SMOC2: variants seen among roughly 807,000 people sequenced by gnomAD.
The protein encoded by SMOC2 is SPARC-related modular calcium-binding protein 2.
A neutral mutation model predicts 61.4 loss-of-function variants in SMOC2; 39 were observed. The observed-to-expected ratio is 0.64, with a 90% CI of 0.49 to 0.83. The LOEUF is 0.83. Ranked by LOEUF, SMOC2 falls within the 40% of genes least tolerant of loss-of-function variation. The pLI is 0.00. For synonymous variants in SMOC2, 247 were observed against 239.9 expected (o/e 1.03, Z -0.27); for missense variants, 556 against 592.9 (o/e 0.94, Z 0.65).
Position 168,495,157 on chromosome 6 carries a change from G to A in SMOC2, c.85-14758G>A, listed in dbSNP as rs1321341540. 3.9e-5 allele frequency among the ~76,000 whole-genome samples: 6 copies of A among 152,190 alleles called. No individual in the cohort carries two copies. The East Asian group carries it at 7.7e-4, about 20-fold the overall frequency. On this transcript the variant is annotated intron_variant, in intron 1 of 12. Coordinates refer to ENST00000356284, the MANE Select transcript of SMOC2 (RefSeq NM_001166412.2). ...GGTTCCAGGAAAGCCATGCTCCTGC[G>A]CCCTATGTGGGCTCCTGCAGACCAG... is the stretch of plus-strand genomic sequence containing the variant.
At chr6:168,463,857 C>G (rs1412008270) in intron 1 of SMOC2, among the ~76,000 whole-genome samples, 2 of 152,080 alleles carry the variant, frequency 1.3e-5, no homozygotes, top group Admixed American at 6.5e-5. Flanking sequence ...GTCTGGAGAA[C>G]TTGGATGGAC....
At chr6:168,612,633 C>T (rs1329442947) in intron 9 of SMOC2, among the ~76,000 whole-genome samples, 1 of 152,244 alleles carries the variant, frequency 6.6e-6, no homozygotes, top group Non-Finnish European at 1.5e-5. Context: ...TGATCTCCAT[C>T]AGTCCTCAGG....
intron 7 of SMOC2, among the ~76,000 whole-genome samples, chr6:168,580,911 A>G (rs1181178974): frequency 6.6e-6 from 1 of 152,220 alleles, no homozygotes; most frequent in Non-Finnish European, 1.5e-5. Context: ...CAGCATGCAG[A>G]GCACCTACAG....
chr6:168,583,873 G>A (rs79146834), intron 7 of SMOC2, among the ~76,000 whole-genome samples: 2,305 of 152,284 alleles, frequency 0.015, 84 homozygotes, highest in Admixed American at 0.072. Context: ...GAAGGGAGGA[G>A]GGCAGAGGAG....
intron 11 of SMOC2, among the ~76,000 whole-genome samples, chr6:168,660,023 A>G (rs187410187): frequency 2.5e-5 from 1 of 40,480 alleles, no homozygotes; most frequent in Non-Finnish European, 5.7e-5. Flanking sequence ...TGGAGGTTGT[A>G]GGCTGGGTGA....
chr6:168,630,942 A>G (rs1562393634), intron 9 of SMOC2, among the ~76,000 whole-genome samples: 2 of 152,336 alleles, frequency 1.3e-5, no homozygotes, highest in East Asian at 3.9e-4. Context: ...AGATGTTATC[A>G]ATGACAATGG....
intron 7 of SMOC2, among the ~76,000 whole-genome samples, chr6:168,567,439 A>C (rs1348294960): frequency 6.6e-6 from 1 of 152,196 alleles, no homozygotes; most frequent in African/African-American, 2.4e-5. Flanking sequence ...TAAATTACTT[A>C]AGATATTTCT....
intron 9 of SMOC2, among the ~76,000 whole-genome samples, chr6:168,635,100 G>A (rs558025801): frequency 3.3e-5 from 5 of 152,290 alleles, no homozygotes; most frequent in Admixed American, 6.5e-5. Flanking sequence ...GCCTTCTCAC[G>A]CCTCGTGAGC....
intron 8 of SMOC2, among the ~76,000 whole-genome samples, chr6:168,601,556 C>T (rs973063547): frequency 1.3e-5 from 2 of 152,070 alleles, no homozygotes; most frequent in African/African-American, 2.4e-5. Flanking sequence ...TCTAAGAAAC[C>T]GTTCTTGGAA....
rs181092423 is a variant in SMOC2, at chr6:168,578,053, C to T, written c.638-20765C>T. Among the ~76,000 whole-genome samples, 23 of 152,292 alleles carry T rather than the reference C, an allele frequency of 1.5e-4. No individual in the cohort carries two copies. The East Asian group carries it at 3.5e-3, about 23-fold the overall frequency. On this transcript the variant is annotated intron_variant, in intron 7 of 12. Transcript: ENST00000356284. ...CACCTCACTCTCCTACATCTGTGTC[C>T]GCAGGGTTAAAACCCAGGTACAATG...
chr6:168,517,098 C>G (rs1010366477), intron 2 of SMOC2, among the ~76,000 whole-genome samples: 4 of 152,242 alleles, frequency 2.6e-5, no homozygotes, highest in South Asian at 2.1e-4. Context: ...GGCCGCTCAT[C>G]CAAGTTCGCT....
chr6:168,493,288 C>T (rs1019529530), intron 1 of SMOC2, among the ~76,000 whole-genome samples: 1 of 152,120 alleles, frequency 6.6e-6, no homozygotes, highest in African/African-American at 2.4e-5. Context: ...CCACCTGCCT[C>T]GGCCTCCCAA....
At chr6:168,625,609 T>C (rs1292349279) in intron 9 of SMOC2, among the ~76,000 whole-genome samples, 5 of 152,264 alleles carry the variant, frequency 3.3e-5, no homozygotes, top group Non-Finnish European at 5.9e-5. Flanking sequence ...GGCCTCCGTC[T>C]TCTGCCACGT....
At chr6:168,597,689 C>T (rs980186988) in intron 7 of SMOC2, among the ~76,000 whole-genome samples, 1 of 152,228 alleles carries the variant, frequency 6.6e-6, no homozygotes, top group Non-Finnish European at 1.5e-5. Flanking sequence ...AAAATCACTT[C>T]CAACTGGAGA....
intron 7 of SMOC2, among the ~76,000 whole-genome samples, chr6:168,559,480 T>G (rs985066281): frequency 6.0e-5 from 9 of 150,256 alleles, no homozygotes; most frequent in Non-Finnish European, 1.2e-4. Context: ...AAAATAAAAA[T>G]AAAATAAAAT....
chr6:168,570,633 G>C (rs2115140739), intron 7 of SMOC2, among the ~76,000 whole-genome samples: 1 of 152,238 alleles, frequency 6.6e-6, no homozygotes, highest in African/African-American at 2.4e-5. Context: ...ATCTACAATG[G>C]GCCTTGTTTC....
chr6:168,591,910 GA>G (rs1282898362), intron 7 of SMOC2, among the ~76,000 whole-genome samples: 1 of 151,814 alleles, frequency 6.6e-6, no homozygotes, highest in African/African-American at 2.4e-5. Context: ...CTTTTTTTCT[GA>G]ATTATTTCCA....
At chr6:168,531,003 C>T (rs1031176063) in intron 4 of SMOC2, among the ~76,000 whole-genome samples, 5 of 152,162 alleles carry the variant, frequency 3.3e-5, no homozygotes, top group African/African-American at 1.2e-4. Flanking sequence ...GTGCCTTCCT[C>T]AGTGGTGCCG....
chr6:168,512,477 T>C (rs995645096), intron 2 of SMOC2, among the ~76,000 whole-genome samples: 1 of 152,202 alleles, frequency 6.6e-6, no homozygotes, highest in Admixed American at 6.5e-5. Context: ...GGAACTTTAA[T>C]TCACTGATTA....
Sources: gnomAD v4.1 joint callset for allele counts (sites outside exome capture counted in the v4.1 genomes callset) on GRCh38, gnomAD v4.1.1 for gene constraint, MANE v1.5 for transcripts, NCBI Gene and HGNC (gene_info 2026-07-23, HGNC 2026-07-21) for gene names.